MYO1H: variants seen among roughly 807,000 people sequenced by gnomAD.
MYO1H encodes unconventional myosin-Ih.
A neutral mutation model predicts 149.3 loss-of-function variants in MYO1H; 118 were observed. The observed-to-expected ratio is 0.79, with a 90% CI of 0.68 to 0.92. The LOEUF (loss-of-function observed/expected upper bound fraction) is 0.92, where lower values mean the gene tolerates loss of function less well. Among genes scored for constraint, MYO1H ranks in the 40% least tolerant of loss-of-function variants. The pLI is 0.00. For synonymous variants in MYO1H, 447 were observed against 465.2 expected (o/e 0.96, Z 0.50); for missense variants, 1,212 against 1,280.7 (o/e 0.95, Z 0.82).
chr12:109,362,095 A>G (rs962619556), intron 1 of MYO1H, among the ~76,000 whole-genome samples: 2 of 152,220 alleles, frequency 1.3e-5, no homozygotes, highest in African/African-American at 4.8e-5. Context: ...CAGATAGACA[A>G]TATCATTTAT....
chr12:109,421,924 C>T (rs140234652), intron 16 of MYO1H, among the ~76,000 whole-genome samples: 88 of 152,226 alleles, frequency 5.8e-4, no homozygotes, highest in African/African-American at 2.0e-3. Context: ...CTCCTGGGCT[C>T]GAGTGATCCT....
chr12:109,404,733 T>A (rs75956037), intron 7 of MYO1H, among the ~76,000 whole-genome samples: 1 of 152,160 alleles, frequency 6.6e-6, no homozygotes, highest in Non-Finnish European at 1.5e-5. Context: ...AAGTCCAGTC[T>A]CAACAATTTA....
the MYO1H span, among the ~76,000 whole-genome samples, chr12:109,336,693 T>G: frequency 1.3e-5 from 2 of 152,208 alleles, no homozygotes; most frequent in Admixed American, 6.5e-5. Context: ...TCTAGTTAGT[T>G]AGTTAATTCC....
chr12:109,361,816 A>G (rs1027031351), intron 1 of MYO1H, among the ~76,000 whole-genome samples: 950 of 123,670 alleles, frequency 7.7e-3, no homozygotes, highest in African/African-American at 0.028. Flanking sequence ...TGTCTCACAA[A>G]AAAAAAAAAA....
At chr12:109,439,405 T>G (rs1448809218) in intron 23 of MYO1H, 1 of 437,512 alleles carries the variant, frequency 2.3e-6, no homozygotes, top group Non-Finnish European at 4.1e-6. Flanking sequence ...ATGCCCTGCT[T>G]CCTAACTTTT....
At chr12:109,384,980 G>A (rs746668975) in intron 1 of MYO1H, among the ~76,000 whole-genome samples, 1 of 152,096 alleles carries the variant, frequency 6.6e-6, no homozygotes, top group Non-Finnish European at 1.5e-5. Context: ...TCTAATAATC[G>A]TGATTATTGA....
the MYO1H span, among the ~76,000 whole-genome samples, chr12:109,319,269 G>A: frequency 2.2e-4 from 33 of 152,232 alleles, no homozygotes; most frequent in South Asian, 6.2e-4. Flanking sequence ...ATTCAGGCAC[G>A]TGCAAGAGCA....
intron 15 of MYO1H, among the ~76,000 whole-genome samples, chr12:109,419,357 T>C (rs1871070271): frequency 6.6e-6 from 1 of 152,154 alleles, no homozygotes; most frequent in South Asian, 2.1e-4. Context: ...TACCATCTGC[T>C]CTGAGTTTTT....
intron 14 of MYO1H, among the ~76,000 whole-genome samples, chr12:109,414,792 C>A (rs1365823695): frequency 6.6e-6 from 1 of 152,082 alleles, no homozygotes; most frequent in Non-Finnish European, 1.5e-5. Context: ...ACTGCAGCCT[C>A]AAATTCCTGG....
At chr12:109,394,178 A>G (rs1045168865) in intron 3 of MYO1H, among the ~76,000 whole-genome samples, 16 of 152,212 alleles carry the variant, frequency 1.1e-4, no homozygotes, top group Non-Finnish European at 8.8e-5. Context: ...CTATAAGCTG[A>G]CAGGGTAGAA....
At chr12:109,442,795 C>CTGCCTT (rs1165995755) in intron 27 of MYO1H, among the ~76,000 whole-genome samples, 80 of 94,006 alleles carry the variant, frequency 8.5e-4, no homozygotes, top group East Asian at 1.9e-3. Flanking sequence ...AGTGTCTGCT[C>CTGCCTT]TTTTTTTTTT....
At chr12:109,331,067 G>A in the MYO1H span, among the ~76,000 whole-genome samples, 1 of 152,164 alleles carries the variant, frequency 6.6e-6, no homozygotes, top group Non-Finnish European at 1.5e-5. Context: ...CTTGCTTAAA[G>A]ACACTCATTT....
chr12:109,348,126 A>G (rs1051976496), intron 1 of MYO1H, among the ~76,000 whole-genome samples, 154 bp downstream of exon 1: 2 of 152,238 alleles, frequency 1.3e-5, no homozygotes, highest in South Asian at 4.1e-4. Flanking sequence ...GAAAAATTCT[A>G]TGTTAAGATG....
At chr12:109,332,746 A>T in the MYO1H span, among the ~76,000 whole-genome samples, 3 of 152,094 alleles carry the variant, frequency 2.0e-5, no homozygotes, top group African/African-American at 7.2e-5. Flanking sequence ...GCTGGCTAAT[A>T]ATTAAAAATT....
chr12:109,368,023 A>G (rs1868902574), intron 1 of MYO1H, among the ~76,000 whole-genome samples: 1 of 152,178 alleles, frequency 6.6e-6, no homozygotes, highest in Admixed American at 6.5e-5. Context: ...CATGGCCAGC[A>G]GCAATCTTTT....
At chr12:109,427,909 A>ATATAT (rs1201603491) in intron 19 of MYO1H, among the ~76,000 whole-genome samples, 1 of 16,418 alleles carries the variant, frequency 6.1e-5, no homozygotes, top group Non-Finnish European at 1.0e-4. Context: ...AAAAAAAAAA[A>ATATAT]ATATATATAT....
At chr12:109,317,091 C>T in the MYO1H span, among the ~76,000 whole-genome samples, 1 of 152,126 alleles carries the variant, frequency 6.6e-6, no homozygotes, top group African/African-American at 2.4e-5. Context: ...TGTTGATTGC[C>T]TCAAAAATTA....
chr12:109,428,687 T>C (rs1871484490), intron 19 of MYO1H, among the ~76,000 whole-genome samples: 1 of 152,238 alleles, frequency 6.6e-6, no homozygotes, highest in Non-Finnish European at 1.5e-5. Flanking sequence ...TTATTTTTCC[T>C]GGATGTACCT....
the MYO1H span, among the ~76,000 whole-genome samples, chr12:109,313,931 C>G: frequency 6.6e-6 from 1 of 152,148 alleles, no homozygotes. Context: ...TTTCCCCAGT[C>G]TGGAGTGCAG....
Sources: gnomAD v4.1 joint callset for allele counts (sites outside exome capture counted in the v4.1 genomes callset) on GRCh38, gnomAD v4.1.1 for gene constraint, MANE v1.5 for transcripts, NCBI Gene and HGNC (gene_info 2026-07-23, HGNC 2026-07-21) for gene names.